ARHGAP26: variants seen among roughly 807,000 people sequenced by gnomAD.
ARHGAP26 encodes rho GTPase-activating protein 26.
A neutral mutation model predicts 104.8 loss-of-function variants in ARHGAP26; 38 were observed. The ratio of observed to expected loss-of-function variants is 0.36; its 90% CI spans 0.28 to 0.48. The LOEUF (loss-of-function observed/expected upper bound fraction) is 0.48. Among genes scored for constraint, ARHGAP26 ranks in the 20% least tolerant of loss-of-function variants. ARHGAP26 has a pLI of 0.99. For missense variants in ARHGAP26, 704 were observed against 947.9 expected, an observed-to-expected ratio of 0.74 and a Z score of 3.38; for synonymous variants, 341 against 340.0, an observed-to-expected ratio of 1.00 and a Z score of -0.03.
At position 143,012,890 on chromosome 5, in the gene ARHGAP26, A is replaced by G. The variant is rs558744825; in HGVS notation, c.1108-1190A>G. Among the ~76,000 whole-genome samples, 925 of 151,816 alleles carry G rather than the reference A, an allele frequency of 6.1e-3. 8 individuals carry two copies. The highest frequency in any genetic ancestry group is 0.014 in the Middle Eastern group (4 of 294). On this transcript the variant is annotated intron_variant, in intron 11 of 22. Transcript: ENST00000645722. ...AGGATGGTCTCGATCTCCTGACCTC[A>G]TGATCCACCCGCCTGGGCCTCCCAA...
intron 1 of ARHGAP26, among the ~76,000 whole-genome samples, chr5:142,779,547 C>G (rs1315519145): frequency 6.6e-6 from 1 of 152,194 alleles, no homozygotes; most frequent in Non-Finnish European, 1.5e-5. Context: ...TACTCTTTGA[C>G]TCTTGCTGCT....
chr5:142,847,188 T>C (rs1002270299), intron 1 of ARHGAP26, among the ~76,000 whole-genome samples: 9 of 152,188 alleles, frequency 5.9e-5, no homozygotes, highest in Non-Finnish European at 1.2e-4. Flanking sequence ...ACAATGTTTG[T>C]AAATTTCACA....
At chr5:142,900,570 G>T (rs113816080) in intron 6 of ARHGAP26, among the ~76,000 whole-genome samples, 84 of 121,742 alleles carry the variant, frequency 6.9e-4, no homozygotes, top group African/African-American at 2.6e-3. Flanking sequence ...ATACTTTTGT[G>T]CTTACTATTC....
rs1306393970 is a variant in ARHGAP26 at position 143,228,344 on chromosome 5, A to G, written c.*5898A>G. ...CACTTTCTGAGCCTTTACAGCCTTT[A>G]AGACTCGGAGGTTGAGAATTAGAGA... On this transcript the variant is annotated 3_prime_UTR_variant, in exon 23 of 23. Coordinates refer to ENST00000645722, the MANE Select transcript of ARHGAP26 (RefSeq NM_001135608.3). 1 of 224,068 alleles carries G rather than the reference A, an allele frequency of 4.5e-6. No homozygotes were observed. Among genetic ancestry groups the G allele is most frequent in the Non-Finnish European group, 8.9e-6 (1 of 112,404 alleles). 13.9% of individuals were successfully genotyped at this position (224,068 alleles called of 1,614,324 possible). A position where few individuals can be genotyped will look rare whatever the true frequency, so the allele number is the denominator to read the frequency against.
intron 18 of ARHGAP26, among the ~76,000 whole-genome samples, chr5:143,126,822 C>T (rs931635440): frequency 1.3e-5 from 2 of 152,172 alleles, no homozygotes; most frequent in African/African-American, 2.4e-5. Context: ...GCTCTTCCCA[C>T]GCTATGTTAA....
chr5:143,019,480 A>G (rs1269089575), intron 12 of ARHGAP26, among the ~76,000 whole-genome samples: 5 of 152,164 alleles, frequency 3.3e-5, no homozygotes, highest in Non-Finnish European at 5.9e-5. Context: ...AAGGTAGGGA[A>G]TATCTTTAGG....
intron 1 of ARHGAP26, among the ~76,000 whole-genome samples, chr5:142,841,291 A>G (rs960770055): frequency 6.6e-6 from 1 of 152,164 alleles, no homozygotes. Context: ...GGGAAAGACT[A>G]ATGTCAGATG....
Position 143,111,271 on chromosome 5 carries a change from G to C in ARHGAP26, c.1539-9717G>C, listed in dbSNP as rs575930886. Among the ~76,000 whole-genome samples, 42 of 152,296 alleles carry C rather than the reference G, an allele frequency of 2.8e-4. No homozygotes were observed. In the South Asian group the frequency reaches 2.9e-3, roughly 11 times the overall value. ...TGTAGAAAAGAAGAGAAGCAAATGA[G>C]ATAAAATAACAGGATATGTATTGTA... On this transcript the variant is annotated intron_variant, in intron 17 of 22. Coordinates refer to ENST00000645722, the MANE Select transcript of ARHGAP26 (RefSeq NM_001135608.3).
Position 142,907,729 on chromosome 5 carries a change from G to A in ARHGAP26, c.858G>A (p.Lys286=). The change falls in exon 9 of 23, where the codon AAG becomes AAA. Residue 286 remains lysine (K), a synonymous_variant. Transcript: ENST00000645722. Reference sequence around the variant, plus strand: ...GTCACTTTGGAACTTCTTGGGTGAAGCACTACTGTACATATCAACGGGATT... The same window carrying A: ...GTCACTTTGGAACTTCTTGGGTGAAACACTACTGTACATATCAACGGGATT... ...EKRHFGTSWV[K]HYCTYQRDSK... is the part of the protein sequence containing the mutation. The A allele has an allele frequency of 6.2e-7, 1 of 1,606,460 alleles. No individual in the cohort carries two copies.
intron 17 of ARHGAP26, among the ~76,000 whole-genome samples, chr5:143,085,159 GT>G (rs1255325197): frequency 1.3e-5 from 2 of 151,410 alleles, no homozygotes; most frequent in Non-Finnish European, 1.5e-5. Flanking sequence ...TGATTCGCTT[GT>G]TTTTCTTCCT....
Position 142,903,804 on chromosome 5 carries a change from C to G in ARHGAP26, c.832+135C>G, listed in dbSNP as rs1760710764. The G allele has an allele frequency of 3.2e-6, 3 of 938,376 alleles. No individual in the cohort carries two copies. In the South Asian group the frequency reaches 7.2e-5, roughly 23 times the overall value. The allele number at this position is 938,376 out of a possible 1,614,324, so 58.1% of individuals were successfully genotyped here. On this transcript the variant is annotated intron_variant, in intron 8 of 22. Transcript: ENST00000645722. ...AAGAACAATTTTATAGTTCACCTTT[C>G]CAAAGAGAAAGATGATGTCCACAGA...
rs1244144740 is a variant in ARHGAP26, at chr5:142,988,456, G to A, written c.1108-25624G>A. 9.9e-5 allele frequency among the ~76,000 whole-genome samples: 15 copies of A among 152,106 alleles called. No homozygotes were observed. The South Asian group carries it at 2.9e-3, about 29-fold the overall frequency. ...CAAAAAACTAGCTGCTGGATTCATT[G>A]ATTTTTTGAAGGGTTTTTTGTGTCT... On this transcript the variant is annotated intron_variant, in intron 11 of 22. Coordinates refer to ENST00000645722, the MANE Select transcript of ARHGAP26 (RefSeq NM_001135608.3).
At chr5:143,064,625 A>G (rs777636142) in intron 17 of ARHGAP26, among the ~76,000 whole-genome samples, 6 of 152,170 alleles carry the variant, frequency 3.9e-5, no homozygotes, top group East Asian at 1.9e-4. Flanking sequence ...GCACAACGAC[A>G]TATTTTAAAG....
At chr5:143,065,624 C>T (rs997148542) in intron 17 of ARHGAP26, among the ~76,000 whole-genome samples, 1 of 152,198 alleles carries the variant, frequency 6.6e-6, no homozygotes, top group African/African-American at 2.4e-5. Flanking sequence ...GTTTTAACTT[C>T]GCACATCAGG....
At chr5:143,222,292 A>T (rs1811312214) in intron 22 of ARHGAP26, 66 bp from the exon 23 acceptor site, 1 of 1,154,504 alleles carries the variant, frequency 8.7e-7, no homozygotes, top group Non-Finnish European at 1.2e-6. Context: ...CACCCCACAC[A>T]CACATCTGCC....
chr5:142,868,366 G>A (rs1475024817), intron 1 of ARHGAP26, among the ~76,000 whole-genome samples: 2 of 152,072 alleles, frequency 1.3e-5, no homozygotes, highest in Non-Finnish European at 1.5e-5. Flanking sequence ...AGGGACTTTC[G>A]TCTTCACCTC....
At chr5:142,941,944 C>T (rs1766411538) in intron 11 of ARHGAP26, among the ~76,000 whole-genome samples, 2 of 152,022 alleles carry the variant, frequency 1.3e-5, no homozygotes, top group Non-Finnish European at 2.9e-5. Context: ...TTAGATTGTC[C>T]AGCAGTCACT....
intron 8 of ARHGAP26, among the ~76,000 whole-genome samples, 178 bp downstream of exon 8, chr5:142,903,847 T>G (rs1760716301): frequency 6.6e-6 from 1 of 152,160 alleles, no homozygotes; most frequent in Non-Finnish European, 1.5e-5. Flanking sequence ...CTACCTTTGT[T>G]TTTCTTTATG....
intron 17 of ARHGAP26, among the ~76,000 whole-genome samples, chr5:143,094,831 A>AGGGTGGAGCAGGTAATGGGAATGAGTCG (rs1188319744): frequency 2.6e-5 from 4 of 152,292 alleles, no homozygotes; most frequent in Middle Eastern, 3.4e-3. Flanking sequence ...AGAATGAGTC[A>AGGGTGGAGCAGGTAATGGGAATGAGTCG]GGGTGGAGCA....
Sources: allele counts gnomAD v4.1 joint callset (sites outside exome capture counted in the v4.1 genomes callset), GRCh38; gene constraint gnomAD v4.1.1; transcripts MANE v1.5; gene names NCBI Gene and HGNC (gene_info 2026-07-23, HGNC 2026-07-21).